ACBD5: variants seen among roughly 807,000 people sequenced by gnomAD.
The protein encoded by ACBD5 is acyl-CoA-binding domain-containing protein 5.
In ACBD5, 40 loss-of-function variants were observed where a neutral mutation model predicts 71.8. That is an observed-to-expected ratio of 0.56 (90% CI 0.43 to 0.72). ACBD5 has a LOEUF of 0.72. Ranked by LOEUF, ACBD5 falls within the 30% of genes least tolerant of loss-of-function variation. The pLI is 0.00. For synonymous variants in ACBD5, 229 were observed against 218.6 expected (o/e 1.05, Z -0.42); for missense variants, 559 against 644.5 (o/e 0.87, Z 1.44).
downstream of ACBD5, among the ~76,000 whole-genome samples, chr10:27,190,522 A>G (rs1434743966): frequency 6.6e-6 from 1 of 152,226 alleles, no homozygotes; most frequent in East Asian, 1.9e-4. Flanking sequence ...GTAACTATAT[A>G]AAGCCTTACT....
intron 13 of ACBD5, among the ~76,000 whole-genome samples, chr10:27,183,181 T>A (rs1557167): frequency 0.68 from 103,195 of 152,054 alleles, 35,223 homozygotes; most frequent in Non-Finnish European, 0.7. Context: ...GTATATTATA[T>A]ACCACTCAGT....
chr10:27,200,691 T>C (rs2059832000), intron 12 of ACBD5, among the ~76,000 whole-genome samples: 1 of 152,114 alleles, frequency 6.6e-6, no homozygotes, highest in Admixed American at 6.6e-5. Context: ...GCTCCTGACC[T>C]CAGGTGACCG....
intron 8 of ACBD5, among the ~76,000 whole-genome samples, chr10:27,213,437 G>A (rs1222268959): frequency 6.6e-6 from 1 of 152,154 alleles, no homozygotes; most frequent in Non-Finnish European, 1.5e-5. Flanking sequence ...CAGCCACTGG[G>A]GAGAACAGTA....
intron 11 of ACBD5, 53 bp downstream of exon 11, chr10:27,205,145 C>T: frequency 9.6e-6 from 15 of 1,560,810 alleles, no homozygotes; most frequent in Non-Finnish European, 1.2e-5. Flanking sequence ...ACAAAAACAA[C>T]AACAAAAAAC....
downstream of ACBD5, among the ~76,000 whole-genome samples, chr10:27,190,390 G>C (rs2059030098): frequency 6.6e-6 from 1 of 152,132 alleles, no homozygotes; most frequent in Non-Finnish European, 1.5e-5. Flanking sequence ...ACCTATGTTA[G>C]AATTAAGTAA....
At chr10:27,217,955 A>G (rs770869948) in intron 7 of ACBD5, 25 bp downstream of exon 7, 1 of 1,605,134 alleles carries the variant, frequency 6.2e-7, no homozygotes, top group Non-Finnish European at 8.5e-7. Context: ...AAGAGGCTGG[A>G]CACAGAATTA....
At chr10:27,241,235 G>C (rs980993668), upstream of ACBD5, among the ~76,000 whole-genome samples, 1 of 152,220 alleles carries the variant, frequency 6.6e-6, no homozygotes, top group South Asian at 2.1e-4. Flanking sequence ...AGGGCTTTAA[G>C]TCGGGACAGG....
intron 4 of ACBD5, among the ~76,000 whole-genome samples, chr10:27,229,622 T>C (rs1161772727): frequency 1.3e-5 from 2 of 152,172 alleles, no homozygotes; most frequent in African/African-American, 4.8e-5. Flanking sequence ...ATTATTGAAA[T>C]TAGAATAAGT....
upstream of ACBD5, chr10:27,240,909 C>A (rs916789364): frequency 2.8e-5 from 18 of 649,502 alleles, no homozygotes; most frequent in African/African-American, 2.6e-4. This position sits in a 1 kb window ranked among gnomAD's most constrained non-coding sequence, Gnocchi z 4.1. Flanking sequence ...CCCGCCGCCG[C>A]GGCAAGGACG....
At chr10:27,201,273 G>A (rs183937544) in intron 12 of ACBD5, among the ~76,000 whole-genome samples, 1 of 152,164 alleles carries the variant, frequency 6.6e-6, no homozygotes, top group East Asian at 1.9e-4. Flanking sequence ...GAGTTGTCAG[G>A]CTAGACAACC....
chr10:27,188,876 A>G (rs538341427), intron 13 of ACBD5, among the ~76,000 whole-genome samples: 1 of 152,332 alleles, frequency 6.6e-6, no homozygotes, highest in South Asian at 2.1e-4. Context: ...ACCAACGGCC[A>G]CCAATAGAAA....
At chr10:27,195,131 T>G (rs532000452), downstream of ACBD5, 70 of 289,600 alleles carry the variant, frequency 2.4e-4, no homozygotes, top group Non-Finnish European at 3.7e-4. Flanking sequence ...AGAGTCATAA[T>G]TACTTTATGT....
chr10:27,189,624 G>A (rs1217759466), intron 13 of ACBD5, among the ~76,000 whole-genome samples: 3 of 78,192 alleles, frequency 3.8e-5, no homozygotes, highest in East Asian at 5.7e-4. Context: ...GCCTGTTGTG[G>A]GGTGGGGGGG....
intron 7 of ACBD5, among the ~76,000 whole-genome samples, chr10:27,216,229 CT>C (rs2061613981): frequency 6.6e-6 from 1 of 151,354 alleles, no homozygotes; most frequent in African/African-American, 2.4e-5. Flanking sequence ...CAACCTCTGC[CT>C]CCTGGGTTCA....
intron 13 of ACBD5, chr10:27,186,481 A>G: frequency 6.2e-7 from 1 of 1,614,110 alleles, no homozygotes; most frequent in Non-Finnish European, 8.5e-7. Flanking sequence ...GATACCTCCT[A>G]TTTTGAAGCC....
downstream of ACBD5, among the ~76,000 whole-genome samples, chr10:27,191,654 C>T (rs1026218726): frequency 3.3e-5 from 5 of 152,114 alleles, no homozygotes; most frequent in Non-Finnish European, 4.4e-5. Flanking sequence ...GAGATCGAGG[C>T]AGGCAGGTCA....
chr10:27,227,862 G>A (rs1231336915), intron 4 of ACBD5, among the ~76,000 whole-genome samples: 1 of 151,836 alleles, frequency 6.6e-6, no homozygotes, highest in African/African-American at 2.4e-5. Flanking sequence ...ACAAGCGCCC[G>A]CCACCACGCC....
chr10:27,185,919 G>A (rs1185610947), intron 13 of ACBD5, among the ~76,000 whole-genome samples: 2 of 151,156 alleles, frequency 1.3e-5, no homozygotes, highest in South Asian at 2.1e-4. Context: ...GCGAAACCCC[G>A]TCTCTACTAA....
chr10:27,186,780 T>G (rs2058782486), intron 13 of ACBD5: 2 of 487,078 alleles, frequency 4.1e-6, no homozygotes, highest in South Asian at 2.2e-5. Context: ...ATTTTGTTTA[T>G]TGCACTTTAT....
Sources: allele counts gnomAD v4.1 joint callset (sites outside exome capture counted in the v4.1 genomes callset), GRCh38; gene constraint gnomAD v4.1.1; non-coding constraint Gnocchi (gnomAD v3.1); transcripts MANE v1.5; gene names NCBI Gene and HGNC (gene_info 2026-07-23, HGNC 2026-07-21).